The following ATG16L1 variants were observed in gnomAD, a reference collection of about 807,000 sequenced individuals.
ATG16L1 encodes autophagy related 16 like 1, also known as autophagy-related protein 16-1.
Under a neutral mutation model 88.5 loss-of-function variants are expected in ATG16L1, and 37 were observed. The ratio of observed to expected loss-of-function variants is 0.42; its 90% CI spans 0.32 to 0.55. The LOEUF is 0.55. ATG16L1 is among the 20% of genes least tolerant of loss of function. The pLI is 0.13. For missense variants in ATG16L1, 554 were observed against 752.8 expected, an observed-to-expected ratio of 0.74 and a Z score of 3.09; for synonymous variants, 301 against 281.0, an observed-to-expected ratio of 1.07 and a Z score of -0.71.
intron 2 of ATG16L1, among the ~76,000 whole-genome samples, chr2:233,261,463 G>A (rs748575874): frequency 1.3e-5 from 2 of 152,142 alleles, no homozygotes; most frequent in Non-Finnish European, 2.9e-5. Context: ...GTGTTCCACT[G>A]TCTAATCTCT....
At chr2:233,260,253 G>A (rs190561419) in intron 2 of ATG16L1, among the ~76,000 whole-genome samples, 10 of 152,270 alleles carry the variant, frequency 6.6e-5, no homozygotes, top group East Asian at 3.9e-4. Flanking sequence ...CTTCAGCCTC[G>A]AAATTGTTTA....
At chr2:233,264,222 AC>A in intron 4 of ATG16L1, 157 bp downstream of exon 4, 1 of 641,512 alleles carries the variant, frequency 1.6e-6, no homozygotes, top group Non-Finnish European at 2.7e-6. Flanking sequence ...ATCCTTTTCT[AC>A]CAGCTCTGAG....
intron 1 of ATG16L1, among the ~76,000 whole-genome samples, chr2:233,254,434 C>G (rs926616868): frequency 6.6e-6 from 1 of 152,144 alleles, no homozygotes; most frequent in African/African-American, 2.4e-5. Context: ...CTTCCCAGGC[C>G]AGTCAAGCTC....
intron 1 of ATG16L1, among the ~76,000 whole-genome samples, chr2:233,254,750 G>A (rs536486619): frequency 6.6e-6 from 1 of 152,276 alleles, no homozygotes; most frequent in African/African-American, 2.4e-5. Flanking sequence ...TAATTCGTTT[G>A]ACCAATAGAT....
rs1020903387 is a variant in ATG16L1 at position 233,281,101 on chromosome 2, A to T, written c.1061-4A>T. 6.3e-7 allele frequency: 1 copy of T among 1,580,822 alleles called. No individual in the cohort carries two copies. Among genetic ancestry groups the T allele is most frequent in the Non-Finnish European group, 8.6e-7 (1 of 1,167,612 alleles). ...CATCATCCTAATTTTTTCTTTTTAT[A>T]CAGAAAAATGTGAGTTCAAGGGTTC... is the stretch of plus-strand genomic sequence containing the variant. On this transcript the variant is annotated splice_polypyrimidine_tract_variant and splice_region_variant and intron_variant, in intron 10 of 17. Coordinates refer to ENST00000392017, the MANE Select transcript of ATG16L1 (RefSeq NM_030803.7).
At chr2:233,252,898 CTG>C (rs1294565099) in intron 1 of ATG16L1, among the ~76,000 whole-genome samples, 4 of 152,182 alleles carry the variant, frequency 2.6e-5, no homozygotes, top group African/African-American at 9.7e-5. Flanking sequence ...TCAAGTTATG[CTG>C]TTGATGATAT....
chr2:233,259,708 A>T (rs1697066225), intron 2 of ATG16L1, among the ~76,000 whole-genome samples: 1 of 152,064 alleles, frequency 6.6e-6, no homozygotes, highest in Non-Finnish European at 1.5e-5. Flanking sequence ...CATTCACAGT[A>T]TCGTTGTTTT....
Position 233,290,279 on chromosome 2 carries a change from C to T in ATG16L1, c.1356C>T (p.Cys452=). Residue 452 remains cysteine, a synonymous_variant, in exon 14 of 18, where the codon TGC becomes TGT. Transcript: ENST00000392017. ...CIKTVFAGSS[C]NDIVCTEQCV... Reference sequence around the variant, plus strand: ...AGACAGTGTTTGCAGGATCCAGTTGCAATGATATTGTCTGCACAGAGCAAT... The same window carrying T: ...AGACAGTGTTTGCAGGATCCAGTTGTAATGATATTGTCTGCACAGAGCAAT... 1.2e-6 allele frequency: 2 copies of T among 1,614,162 alleles called. No individual in the cohort carries two copies. The highest frequency in any genetic ancestry group is 1.7e-6 in the Non-Finnish European group (2 of 1,180,038).
chr2:233,275,954 G>T, intron 9 of ATG16L1: 1 of 519,188 alleles, frequency 1.9e-6, no homozygotes, highest in Non-Finnish European at 3.8e-6. Flanking sequence ...CTGACGAGTG[G>T]CAGTCATGGG....
chr2:233,290,234 T>G lies in ATG16L1; in HGVS notation c.1325-14T>G. 1.9e-6 allele frequency: 3 copies of G among 1,612,962 alleles called. No homozygotes were observed. Among genetic ancestry groups the G allele is most frequent in the Non-Finnish European group, 2.5e-6 (3 of 1,178,946 alleles). On this transcript the variant is annotated splice_polypyrimidine_tract_variant and intron_variant, in intron 13 of 17. Transcript: ENST00000392017. ...GTGCCTCTGCTTGATTAATGATGTT[T>G]GCATTTCTTTCAGGCATAAAGACAG...
chr2:233,276,067 C>T (rs1178674002), intron 9 of ATG16L1: 1 of 458,336 alleles, frequency 2.2e-6, no homozygotes, highest in Non-Finnish European at 4.4e-6. Context: ...GTTTGGTCAC[C>T]TGTCATACTT....
At chr2:233,262,850 G>A (rs1418967712) in intron 2 of ATG16L1, among the ~76,000 whole-genome samples, 3 of 152,150 alleles carry the variant, frequency 2.0e-5, no homozygotes, top group Non-Finnish European at 2.9e-5. Flanking sequence ...GGCCCTGTTG[G>A]TGCCTGTTAC....
At chr2:233,262,568 C>T (rs917810648) in intron 2 of ATG16L1, among the ~76,000 whole-genome samples, 42 of 152,234 alleles carry the variant, frequency 2.8e-4, no homozygotes, top group African/African-American at 9.9e-4. Context: ...TGCTGCTGCT[C>T]CTTCTGCCCA....
At chr2:233,263,858 C>G in intron 3 of ATG16L1, 134 bp from the exon 4 acceptor site, 1 of 712,322 alleles carries the variant, frequency 1.4e-6, no homozygotes, top group Non-Finnish European at 2.3e-6. Context: ...CTTTGTGTCC[C>G]CATAGGCGCC....
intron 2 of ATG16L1, among the ~76,000 whole-genome samples, chr2:233,261,675 G>C (rs1379871305): frequency 2.0e-5 from 1 of 49,464 alleles, no homozygotes; most frequent in Non-Finnish European, 6.3e-5. Context: ...TTGGATGAGA[G>C]GAACAAGTGT....
chr2:233,264,200 A>G (rs6708373), intron 4 of ATG16L1, 135 bp downstream of exon 4: 369,823 of 775,692 alleles, frequency 0.48, 92,055 homozygotes, highest in Middle Eastern at 0.56. Flanking sequence ...TTCAGTGCAT[A>G]CACACTCTGG....
At chr2:233,261,778 G>T (rs771213369) in intron 2 of ATG16L1, among the ~76,000 whole-genome samples, 4 of 152,166 alleles carry the variant, frequency 2.6e-5, no homozygotes, top group Non-Finnish European at 4.4e-5. Context: ...TGTGACACCA[G>T]CTTTCTCTCG....
chr2:233,254,969 G>GTTTA (rs36078120), intron 1 of ATG16L1, among the ~76,000 whole-genome samples: 55 of 150,340 alleles, frequency 3.7e-4, no homozygotes, highest in African/African-American at 4.4e-4. Flanking sequence ...CATTTCATTT[G>GTTTA]TTTATTTATT....
intron 1 of ATG16L1, among the ~76,000 whole-genome samples, chr2:233,254,060 T>C (rs1696608407): frequency 6.6e-6 from 1 of 152,340 alleles, no homozygotes; most frequent in Admixed American, 6.5e-5. Flanking sequence ...AAAACAGTGC[T>C]GTGCATATAA....
Sources: gnomAD v4.1 joint callset for allele counts (sites outside exome capture counted in the v4.1 genomes callset) on GRCh38, gnomAD v4.1.1 for gene constraint, MANE v1.5 for transcripts, NCBI Gene and HGNC (gene_info 2026-07-23, HGNC 2026-07-21) for gene names.